The following PHACTR4 variants were observed in gnomAD, a reference collection of about 807,000 sequenced individuals.
PHACTR4 encodes the protein phosphatase and actin regulator 4.
PHACTR4 carries 51 observed loss-of-function variants against 72.7 expected under a neutral mutation model. The observed-to-expected ratio is 0.70, with a 90% CI of 0.56 to 0.89. PHACTR4 has a LOEUF of 0.89. PHACTR4 is among the 40% of genes least tolerant of loss of function. PHACTR4 has a pLI of 0.00. For synonymous variants in PHACTR4, 255 were observed against 302.5 expected (o/e 0.84, Z 1.63); for missense variants, 731 against 861.8 (o/e 0.85, Z 1.90).
At chr1:28,424,280 C>T (rs1367613091) in intron 2 of PHACTR4, among the ~76,000 whole-genome samples, 1 of 152,078 alleles carries the variant, frequency 6.6e-6, no homozygotes, top group Non-Finnish European at 1.5e-5. Flanking sequence ...CAGCCTTCAC[C>T]TCCTGAGTTC....
In PHACTR4 at chr1:28,466,494, A is replaced by T. The variant is rs748029319; in HGVS notation, c.549A>T (p.Glu183Asp). 3 of 1,614,010 alleles carry T rather than the reference A, an allele frequency of 1.9e-6. No individual in the cohort carries two copies. Among genetic ancestry groups the T allele is most frequent in the East Asian group, 2.2e-5 (1 of 44,894 alleles). ...TGTCCTCTTCTCATGAAGCAAGTGA[A>T]GGGCAAGCAAAGGATGCCACTTCCT... ...RPLSSSHEAS[E>D]GQAKDATSSG... Residue 183 changes from glutamate (E) to aspartate (D), a missense_variant, in exon 6 of 14, where the codon GAA (glutamate) becomes GAT (aspartate). This residue lies in a region of PHACTR4 where 621 missense variants were observed against 676.6 expected (regional missense o/e 0.92). Transcript: ENST00000373839.
intron 9 of PHACTR4, among the ~76,000 whole-genome samples, chr1:28,485,345 T>C (rs924990559): frequency 6.6e-6 from 1 of 152,178 alleles, no homozygotes; most frequent in Non-Finnish European, 1.5e-5. Flanking sequence ...TCCCAACACT[T>C]TGGGACACCG....
chr1:28,382,646 C>T (rs1253114530), intron 1 of PHACTR4, among the ~76,000 whole-genome samples: 1 of 151,798 alleles, frequency 6.6e-6, no homozygotes, highest in East Asian at 1.9e-4. Flanking sequence ...AATGGTATTG[C>T]CTAGCTTGTC....
chr1:28,408,419 A>G (rs6679916), intron 2 of PHACTR4, among the ~76,000 whole-genome samples: 58,664 of 151,956 alleles, frequency 0.39, 13,025 homozygotes, highest in African/African-American at 0.6. Context: ...TTAGCTGGGC[A>G]TGGTAGTGGG....
At chr1:28,402,633 C>G (rs1295057774) in intron 1 of PHACTR4, among the ~76,000 whole-genome samples, 1 of 152,054 alleles carries the variant, frequency 6.6e-6, no homozygotes, top group Non-Finnish European at 1.5e-5. Flanking sequence ...TTGGTGCTTA[C>G]TAGGTGCTGT....
chr1:28,375,619 G>C (rs1651595533), intron 1 of PHACTR4, among the ~76,000 whole-genome samples: 1 of 152,158 alleles, frequency 6.6e-6, no homozygotes, highest in Non-Finnish European at 1.5e-5. Flanking sequence ...TCCACGGTTT[G>C]AGGCTGCAGT....
chr1:28,489,060 G>C (rs1460235178), intron 9 of PHACTR4, 110 bp from the exon 10 acceptor site: 1 of 675,288 alleles, frequency 1.5e-6, no homozygotes, highest in Admixed American at 3.1e-5. Context: ...TTGAAAATTT[G>C]TTGATTTCTT....
At chr1:28,418,824 G>T (rs757026417) in intron 2 of PHACTR4, among the ~76,000 whole-genome samples, 5 of 149,262 alleles carry the variant, frequency 3.3e-5, no homozygotes, top group African/African-American at 5.0e-5. Context: ...GATGGTGTGC[G>T]CCTGTAGTCC....
intron 13 of PHACTR4, among the ~76,000 whole-genome samples, chr1:28,495,264 T>G (rs796979777): frequency 6.6e-5 from 10 of 152,276 alleles, no homozygotes; most frequent in African/African-American, 2.4e-4. Flanking sequence ...TCAATGAGGC[T>G]TTATTCTTTT....
At chr1:28,462,792 A>C (rs1658908267) in intron 4 of PHACTR4, among the ~76,000 whole-genome samples, 1 of 152,186 alleles carries the variant, frequency 6.6e-6, no homozygotes, top group Admixed American at 6.5e-5. Context: ...CAGATAAATG[A>C]CCTAAGCTTT....
intron 1 of PHACTR4, among the ~76,000 whole-genome samples, chr1:28,380,087 C>T (rs111662128): frequency 0.36 from 42,480 of 118,010 alleles, 8,584 homozygotes; most frequent in African/African-American, 0.58. Context: ...GACGGAGTCT[C>T]GCTCTGTCGC....
chr1:28,494,830 G>A lies in PHACTR4; in HGVS notation c.2094-1704G>A, dbSNP rs572372387. On this transcript the variant is annotated intron_variant, in intron 13 of 13. Coordinates refer to ENST00000373839, the MANE Select transcript of PHACTR4 (RefSeq NM_001048183.3). ...GCTTTGACTGTTATGCTAGGATGTT[G>A]GAACCATTGGCAGTTCATAAGCAGG... Among the ~76,000 whole-genome samples, 8 of 152,270 alleles carry A rather than the reference G, an allele frequency of 5.3e-5. No individual in the cohort carries two copies. The South Asian group carries it at 1.4e-3, about 28-fold the overall frequency.
At chr1:28,419,484 G>A (rs772599084) in intron 2 of PHACTR4, among the ~76,000 whole-genome samples, 14 of 151,646 alleles carry the variant, frequency 9.2e-5, no homozygotes, top group East Asian at 1.9e-4. Context: ...ATGTGTGTGT[G>A]TATATATACA....
At chr1:28,453,756 T>A in intron 2 of PHACTR4, 1 of 1,070,616 alleles carries the variant, frequency 9.3e-7, no homozygotes, top group South Asian at 1.3e-5. Context: ...GATGAAGAAA[T>A]TAAAAAAAGA....
chr1:28,494,018 A>G (rs985646235), intron 13 of PHACTR4, among the ~76,000 whole-genome samples: 1 of 152,150 alleles, frequency 6.6e-6, no homozygotes, highest in African/African-American at 2.4e-5. Context: ...GCTAGCCACA[A>G]ATGGAATCAG....
intron 8 of PHACTR4, among the ~76,000 whole-genome samples, chr1:28,479,514 C>T (rs1660136155): frequency 7.0e-6 from 1 of 143,574 alleles, no homozygotes; most frequent in African/African-American, 2.6e-5. Flanking sequence ...GCCTGGGAGG[C>T]GGAGGTTGCA....
chr1:28,431,955 A>C (rs1158857860), intron 2 of PHACTR4, among the ~76,000 whole-genome samples: 1 of 152,176 alleles, frequency 6.6e-6, no homozygotes, highest in Non-Finnish European at 1.5e-5. Context: ...TCACGCCTGT[A>C]ATCCCAGCAC....
intron 1 of PHACTR4, among the ~76,000 whole-genome samples, chr1:28,404,276 CTTTTT>C (rs58454588): frequency 0.07 from 7,129 of 101,290 alleles, 292 homozygotes; most frequent in Non-Finnish European, 0.1. Context: ...TATGAACATC[CTTTTT>C]TTTTTTTTTT....
intron 2 of PHACTR4, among the ~76,000 whole-genome samples, chr1:28,441,719 G>A (rs531606324): frequency 9.8e-5 from 15 of 152,334 alleles, no homozygotes; most frequent in African/African-American, 3.1e-4. Context: ...TCAGGGCAGA[G>A]TGCATTGGTT....
Sources: allele counts gnomAD v4.1 joint callset (sites outside exome capture counted in the v4.1 genomes callset), GRCh38; gene constraint gnomAD v4.1.1; regional missense constraint gnomAD v4.1.1; transcripts MANE v1.5; gene names NCBI Gene and HGNC (gene_info 2026-07-23, HGNC 2026-07-21).